Variants in CDH18 observed in about 807,000 individuals in gnomAD.
CDH18 encodes the protein cadherin-18.
In CDH18, 31 loss-of-function variants were observed where a neutral mutation model predicts 67.9. That is an observed-to-expected ratio of 0.46 (90% CI 0.34 to 0.62). The LOEUF (loss-of-function observed/expected upper bound fraction) is 0.62. Among genes scored for constraint, CDH18 ranks in the 20% least tolerant of loss-of-function variants. The pLI is 0.01. For missense variants in CDH18, 890 were observed against 975.5 expected (o/e 0.91, Z 1.17); for synonymous variants, 362 against 347.2 (o/e 1.04, Z -0.48).
chr5:19,984,260 T>C (rs1307193131), intron 1 of CDH18, among the ~76,000 whole-genome samples: 1 of 149,580 alleles, frequency 6.7e-6, no homozygotes, highest in Non-Finnish European at 1.5e-5. Context: ...AATCTATTCA[T>C]TGAAAAATTA....
intron 5 of CDH18, among the ~76,000 whole-genome samples, chr5:19,619,455 T>C (rs1353713719): frequency 1.3e-5 from 2 of 152,120 alleles, no homozygotes; most frequent in Non-Finnish European, 2.9e-5. Context: ...TTGTAGGCTG[T>C]GAATTGCATG....
intron 2 of CDH18, among the ~76,000 whole-genome samples, chr5:20,004,115 G>A (rs1446780801): frequency 6.6e-6 from 1 of 152,102 alleles, no homozygotes; most frequent in Non-Finnish European, 1.5e-5. Flanking sequence ...TCTAGGGATT[G>A]TCCTTCATAT....
At chr5:20,520,990 C>T (rs58207989) in intron 1 of CDH18, among the ~76,000 whole-genome samples, 3,216 of 152,088 alleles carry the variant, frequency 0.021, 55 homozygotes, top group African/African-American at 0.044. Flanking sequence ...AACCTCTCAC[C>T]AAACTGTGTG....
In CDH18 at chr5:19,490,394, G is replaced by GTTTTTTTTTTTTTTTTTTTT. The variant is rs70950073; in HGVS notation, c.1631-6862_1631-6843dup. On this transcript the variant is annotated intron_variant, in intron 11 of 12. Coordinates refer to ENST00000382275, the MANE Select transcript of CDH18 (RefSeq NM_004934.5). ...TGATATATCACATATATAAAAATCTGTTTTTTTTTTTTTTTTTTTTTTTTT... is the reference window on the plus strand; with the variant it reads ...TGATATATCACATATATAAAAATCTGTTTTTTTTTTTTTTTTTTTTTTTTTTTTTTTTTTTTTTTTTTTTT... 1.5e-4 allele frequency among the ~76,000 whole-genome samples: 9 copies of GTTTTTTTTTTTTTTTTTTTT among 60,210 alleles called. 2 individuals are homozygous for GTTTTTTTTTTTTTTTTTTTT. Among genetic ancestry groups the GTTTTTTTTTTTTTTTTTTTT allele is most frequent in the African/African-American group, 4.0e-4 (6 of 14,916 alleles). The allele number at this position is 60,210 out of a possible 152,430, so 39.5% of individuals were successfully genotyped here. A position where few individuals can be genotyped will look rare whatever the true frequency, so the allele number is the denominator to read the frequency against.
intron 3 of CDH18, among the ~76,000 whole-genome samples, chr5:19,817,994 A>G (rs536052378): frequency 1.6e-3 from 243 of 152,272 alleles, no homozygotes; most frequent in African/African-American, 5.7e-3. Flanking sequence ...CAGGTATCAC[A>G]AAATATTATT....
intron 2 of CDH18, among the ~76,000 whole-genome samples, chr5:20,080,242 T>C (rs1005639589): frequency 9.2e-5 from 14 of 152,070 alleles, no homozygotes; most frequent in African/African-American, 3.4e-4. Flanking sequence ...CTTATTATCC[T>C]TTTTTTATTA....
chr5:19,771,890 T>A (rs1339313235), intron 3 of CDH18, among the ~76,000 whole-genome samples: 1 of 152,198 alleles, frequency 6.6e-6, no homozygotes, highest in Admixed American at 6.5e-5. Context: ...TGGGACAGTT[T>A]ATAAAGTTTT....
chr5:19,875,683 A>C (rs1786902010), intron 2 of CDH18, among the ~76,000 whole-genome samples: 1 of 151,990 alleles, frequency 6.6e-6, no homozygotes, highest in Admixed American at 6.6e-5. Context: ...ATAGAATTGA[A>C]TCTTTTATAT....
chr5:19,916,623 A>G (rs1264544432), intron 2 of CDH18, among the ~76,000 whole-genome samples: 1 of 152,186 alleles, frequency 6.6e-6, no homozygotes, highest in East Asian at 1.9e-4. Context: ...CTCCTGTGTT[A>G]TTGAGGTAGT....
intron 2 of CDH18, among the ~76,000 whole-genome samples, chr5:20,054,464 T>A (rs1048702822): frequency 5.2e-4 from 79 of 152,282 alleles, no homozygotes; most frequent in African/African-American, 1.9e-3. Context: ...ACCTAAACAT[T>A]ATTTAGGTCC....
chr5:19,631,863 G>A (rs1375116768), intron 5 of CDH18, among the ~76,000 whole-genome samples: 3 of 151,796 alleles, frequency 2.0e-5, no homozygotes, highest in African/African-American at 7.3e-5. Context: ...GTCATTAATT[G>A]CATGTTTTAG....
chr5:19,897,750 A>G (rs768862709), intron 2 of CDH18, among the ~76,000 whole-genome samples: 2 of 152,096 alleles, frequency 1.3e-5, no homozygotes, highest in Non-Finnish European at 2.9e-5. Context: ...AATAATTACA[A>G]CTATATGCAC....
At chr5:19,903,129 C>T (rs1181115907) in intron 2 of CDH18, among the ~76,000 whole-genome samples, 2 of 151,772 alleles carry the variant, frequency 1.3e-5, no homozygotes, top group South Asian at 2.1e-4. Context: ...TTGTACAAAA[C>T]TTAGACAAGC....
At chr5:19,617,295 T>C (rs1749993919) in intron 5 of CDH18, among the ~76,000 whole-genome samples, 2 of 152,312 alleles carry the variant, frequency 1.3e-5, no homozygotes, top group South Asian at 4.1e-4. Flanking sequence ...TGGATAAAGA[T>C]AGAATAAACT....
rs116404607 is a variant in CDH18 at position 19,572,583 on chromosome 5, T to A, written c.1000-751A>T. ...ATCAACGTTCCTTTCAGAGCTGGTG[T>A]CTGGTAGGCATCCTCTTTCTGGTTT... On this transcript the variant is annotated intron_variant, in intron 7 of 12. Coordinates refer to ENST00000382275, the MANE Select transcript of CDH18 (RefSeq NM_004934.5). Among the ~76,000 whole-genome samples the A allele has an allele frequency of 7.2e-3, 1,093 of 152,300 alleles. 15 individuals are homozygous for A. The highest frequency in any genetic ancestry group is 0.025 in the African/African-American group (1,035 of 41,538).
In CDH18 at chr5:20,115,270, CTTTTTTT is replaced by C. The variant is rs753438800; in HGVS notation, c.-517-123263_-517-123257del. Among the ~76,000 whole-genome samples, 109 of 58,146 alleles carry C rather than the reference CTTTTTTT, an allele frequency of 1.9e-3. 3 individuals carry two copies. The Admixed American group carries it at 0.027, about 14-fold the overall frequency. 38.1% of individuals were successfully genotyped at this position (58,146 alleles called of 152,430 possible). ...TGGGGCTCCACTCTCAGGGCCTCAT[CTTTTTTT>C]TTTTTTTTTTTTTTTTTTTTGAGAC... On this transcript the variant is annotated intron_variant, in intron 2 of 14. Coordinates refer to the CDH18 transcript ENST00000507958.
intron 2 of CDH18, among the ~76,000 whole-genome samples, chr5:19,847,569 T>G (rs1783138661): frequency 6.6e-6 from 1 of 152,252 alleles, no homozygotes; most frequent in Non-Finnish European, 1.5e-5. Flanking sequence ...ATATTTCATA[T>G]ACTTCCATTT....
chr5:20,155,856 T>C (rs1751483397), intron 2 of CDH18, among the ~76,000 whole-genome samples: 1 of 152,304 alleles, frequency 6.6e-6, no homozygotes, highest in Non-Finnish European at 1.5e-5. Context: ...AATACTTTTG[T>C]TGATTTTGTC....
intron 2 of CDH18, among the ~76,000 whole-genome samples, chr5:20,138,049 G>C (rs894987432): frequency 1.3e-5 from 2 of 151,774 alleles, no homozygotes; most frequent in African/African-American, 4.8e-5. Flanking sequence ...GATGAACATT[G>C]ATGCAAAAAT....
Sources: allele counts gnomAD v4.1 joint callset (sites outside exome capture counted in the v4.1 genomes callset), GRCh38; gene constraint gnomAD v4.1.1; transcripts MANE v1.5; gene names NCBI Gene and HGNC (gene_info 2026-07-23, HGNC 2026-07-21).